TYW1: variants seen among roughly 807,000 people sequenced by gnomAD.
TYW1 encodes the protein S-adenosyl-L-methionine-dependent tRNA 4-demethylwyosine synthase TYW1.
Under a neutral mutation model 96.2 loss-of-function variants are expected in TYW1, and 46 were observed. The ratio of observed to expected loss-of-function variants is 0.48; its 90% CI spans 0.38 to 0.61. TYW1 has a LOEUF of 0.61. TYW1 is among the 20% of genes least tolerant of loss of function. The pLI, the probability that TYW1 is intolerant of heterozygous loss-of-function variation, is 0.00. For synonymous variants in TYW1, 274 were observed against 323.0 expected (o/e 0.85, Z 1.63); for missense variants, 684 against 909.6 (o/e 0.75, Z 3.19).
intron 15 of TYW1, among the ~76,000 whole-genome samples, chr7:67,202,040 T>C (rs369520894): frequency 6.6e-6 from 1 of 152,178 alleles, no homozygotes; most frequent in African/African-American, 2.4e-5. Context: ...TCCCACTGCT[T>C]GGGAACCATG....
intron 7 of TYW1, among the ~76,000 whole-genome samples, chr7:67,039,851 C>T (rs1232441197): frequency 4.6e-5 from 7 of 151,734 alleles, no homozygotes; most frequent in East Asian, 3.9e-4. Flanking sequence ...TTAGTATAGA[C>T]GGGGTTTCAC....
At chr7:67,177,659 AG>A (rs1440267293) in intron 13 of TYW1, among the ~76,000 whole-genome samples, 2 of 152,238 alleles carry the variant, frequency 1.3e-5, no homozygotes, top group African/African-American at 4.8e-5. Context: ...ACAATGCAAA[AG>A]TGGTGAAAAC....
intron 13 of TYW1, among the ~76,000 whole-genome samples, chr7:67,149,412 G>T (rs1242023940): frequency 6.6e-6 from 1 of 151,986 alleles, no homozygotes; most frequent in Non-Finnish European, 1.5e-5. Context: ...TCTGATGTGG[G>T]TCCATAAGAA....
chr7:67,229,815 A>G (rs1460222505), intron 15 of TYW1, among the ~76,000 whole-genome samples: 3 of 152,164 alleles, frequency 2.0e-5, no homozygotes, highest in Non-Finnish European at 4.4e-5. Flanking sequence ...TTAGCTGGAT[A>G]TGGTGGCATG....
chr7:67,158,720 C>A (rs759479930), intron 13 of TYW1, among the ~76,000 whole-genome samples: 1 of 152,124 alleles, frequency 6.6e-6, no homozygotes, highest in Non-Finnish European at 1.5e-5. Flanking sequence ...CAGGTGCTCG[C>A]CACCACGCCT....
chr7:67,107,597 T>C (rs1365387724), intron 12 of TYW1, among the ~76,000 whole-genome samples: 1 of 152,172 alleles, frequency 6.6e-6, no homozygotes, highest in African/African-American at 2.4e-5. Context: ...TAATAATGAC[T>C]GCCTTATGGT....
At chr7:66,997,046 C>G (rs1793191247) in intron 1 of TYW1, 64 bp downstream of exon 1, 1 of 1,607,816 alleles carries the variant, frequency 6.2e-7, no homozygotes, top group Non-Finnish European at 8.5e-7. Context: ...TACTGAGACC[C>G]TCTCCGGGCG....
intron 13 of TYW1, among the ~76,000 whole-genome samples, chr7:67,132,425 A>G (rs1236014690): frequency 3.9e-5 from 6 of 152,124 alleles, no homozygotes; most frequent in Non-Finnish European, 4.4e-5. Flanking sequence ...TTCCATATTT[A>G]TACTTCACTC....
intron 15 of TYW1, among the ~76,000 whole-genome samples, chr7:67,196,003 T>C (rs1216191327): frequency 6.6e-6 from 1 of 152,124 alleles, no homozygotes; most frequent in Non-Finnish European, 1.5e-5. Context: ...TGTTCTCCTC[T>C]AGGACTCCAA....
chr7:67,227,536 CGTG>C (rs1563080531), intron 15 of TYW1, among the ~76,000 whole-genome samples: 4 of 152,130 alleles, frequency 2.6e-5, no homozygotes, highest in African/African-American at 9.7e-5. Context: ...GGATTACAGG[CGTG>C]AGCCACCAAA....
intron 11 of TYW1, among the ~76,000 whole-genome samples, chr7:67,086,214 T>C (rs1419407435): frequency 6.6e-6 from 1 of 152,176 alleles, no homozygotes; most frequent in African/African-American, 2.4e-5. Context: ...CTTACCAGTG[T>C]TTTGGAAAAT....
intron 10 of TYW1, among the ~76,000 whole-genome samples, chr7:67,075,236 T>C (rs1044507816): frequency 6.6e-6 from 1 of 152,228 alleles, no homozygotes; most frequent in African/African-American, 2.4e-5. Context: ...ATTGTGTGTC[T>C]CTTATTCCTG....
At chr7:67,138,845 T>C (rs1798355200) in intron 13 of TYW1, among the ~76,000 whole-genome samples, 1 of 151,932 alleles carries the variant, frequency 6.6e-6, no homozygotes, top group Non-Finnish European at 1.5e-5. Context: ...CCATTATATA[T>C]AAATACCACA....
Position 67,204,393 on chromosome 7 carries a change from G to A in TYW1, c.1977+9056G>A, listed in dbSNP as rs189194774. 6.2e-3 allele frequency among the ~76,000 whole-genome samples: 934 copies of A among 151,706 alleles called. 3 individuals carry two copies. Among genetic ancestry groups the A allele is most frequent in the Middle Eastern group, 0.017 (5 of 294 alleles). ...TTCTGTTGAACCATTTATTATTTTAGTTATTGTATTTTTCAGTTCTAAAAT... is the reference window on the plus strand; with the variant it reads ...TTCTGTTGAACCATTTATTATTTTAATTATTGTATTTTTCAGTTCTAAAAT... On this transcript the variant is annotated intron_variant, in intron 15 of 15. Coordinates refer to ENST00000359626, the MANE Select transcript of TYW1 (RefSeq NM_018264.4).
chr7:67,180,518 C>CTT (rs1799807470), intron 13 of TYW1, among the ~76,000 whole-genome samples: 1 of 148,120 alleles, frequency 6.8e-6, no homozygotes, highest in Non-Finnish European at 1.5e-5. Context: ...AATTATTTTT[C>CTT]GTATATTCTC....
At chr7:67,009,121 C>T (rs1334486020) in intron 3 of TYW1, among the ~76,000 whole-genome samples, 5 of 151,958 alleles carry the variant, frequency 3.3e-5, no homozygotes, top group South Asian at 4.2e-4. Context: ...GGGATCTTCC[C>T]GTCTCAGCCT....
At chr7:67,067,084 T>C (rs1220464037) in intron 9 of TYW1, 3 of 592,738 alleles carry the variant, frequency 5.1e-6, no homozygotes, top group Non-Finnish European at 9.0e-6. Context: ...ATCATAGGTT[T>C]ATTTCACTGG....
intron 14 of TYW1, among the ~76,000 whole-genome samples, chr7:67,184,072 G>T (rs1057382476): frequency 6.6e-6 from 1 of 152,156 alleles, no homozygotes; most frequent in Non-Finnish European, 1.5e-5. Context: ...TCCTACCTCG[G>T]CCTCTCAAAG....
Position 67,058,333 on chromosome 7 carries a change from G to A in TYW1, c.1155+2446G>A, listed in dbSNP as rs553334836. On this transcript the variant is annotated intron_variant, in intron 9 of 15. Coordinates refer to ENST00000359626, the MANE Select transcript of TYW1 (RefSeq NM_018264.4). ...GCAGGTCTTTAGTTTTGATACAGAA[G>A]TTATATAAACATATTGTCCCCAGAC... 5.3e-5 allele frequency among the ~76,000 whole-genome samples: 8 copies of A among 152,304 alleles called. No individual in the cohort carries two copies. The East Asian group carries it at 9.6e-4, about 18-fold the overall frequency.
Sources: gnomAD v4.1 joint callset for allele counts (sites outside exome capture counted in the v4.1 genomes callset) on GRCh38, gnomAD v4.1.1 for gene constraint, MANE v1.5 for transcripts, NCBI Gene and HGNC (gene_info 2026-07-23, HGNC 2026-07-21) for gene names.